The following COL14A1 variants were observed in gnomAD, a reference collection of about 807,000 sequenced individuals.
COL14A1 encodes the protein collagen alpha-1(XIV) chain.
In COL14A1, 136 loss-of-function variants were observed where a neutral mutation model predicts 230.3. The ratio of observed to expected loss-of-function variants is 0.59; its 90% CI spans 0.51 to 0.68. COL14A1 has a LOEUF of 0.68. COL14A1 is among the 30% of genes least tolerant of loss of function. COL14A1 has a pLI of 0.00. For synonymous variants in COL14A1, 792 were observed against 784.1 expected (o/e 1.01, Z -0.17); for missense variants, 1,976 against 2,215.8 (o/e 0.89, Z 2.17).
In COL14A1 at chr8:120,162,351, T is replaced by C. The variant is rs938192264; in HGVS notation, c.206-75T>C. ...CTTTACTGTTTAACACCATAATTGC[T>C]AACTAATAAAGTTTCTTAATGTACA... On this transcript the variant is annotated intron_variant, in intron 3 of 47. Coordinates refer to ENST00000297848, the MANE Select transcript of COL14A1 (RefSeq NM_021110.4). The C allele has an allele frequency of 9.6e-6, 12 of 1,254,424 alleles. No individual in the cohort carries two copies. The African/African-American group carries it at 1.8e-4, about 19-fold the overall frequency. 77.7% of individuals were successfully genotyped at this position (1,254,424 alleles called of 1,614,324 possible). A position where few individuals can be genotyped will look rare whatever the true frequency, so the allele number is the denominator to read the frequency against.
intron 4 of COL14A1, among the ~76,000 whole-genome samples, chr8:120,167,066 A>G (rs1217617275): frequency 1.3e-5 from 2 of 151,816 alleles, no homozygotes; most frequent in East Asian, 1.9e-4. Context: ...AAATCTTTTA[A>G]AATTTTGTTT....
intron 14 of COL14A1, among the ~76,000 whole-genome samples, chr8:120,224,410 C>T (rs904636150): frequency 1.3e-5 from 2 of 152,118 alleles, no homozygotes; most frequent in African/African-American, 2.4e-5. Context: ...CAGAGTACTG[C>T]GGGGGATCAT....
intron 26 of COL14A1, 136 bp downstream of exon 26, chr8:120,270,310 G>C: frequency 2.2e-6 from 2 of 910,640 alleles, no homozygotes; most frequent in Admixed American, 6.0e-5. Context: ...GGATAGACAG[G>C]TATGTGTTTG....
chr8:120,126,662 G>GTAGGTGA (rs1347695265), intron 1 of COL14A1, among the ~76,000 whole-genome samples: 109 of 152,332 alleles, frequency 7.2e-4, no homozygotes, highest in African/African-American at 2.5e-3. Context: ...AATACTTGCA[G>GTAGGTGA]TAGGTGATAG....
intron 1 of COL14A1, among the ~76,000 whole-genome samples, chr8:120,139,268 A>C (rs918199420): frequency 1.3e-5 from 2 of 152,090 alleles, no homozygotes; most frequent in African/African-American, 4.8e-5. Flanking sequence ...AAATATCACC[A>C]TTTCTTTCAA....
At chr8:120,370,667 C>A in intron 47 of COL14A1, 1 of 1,448,604 alleles carries the variant, frequency 6.9e-7, no homozygotes, top group Non-Finnish European at 9.2e-7. Flanking sequence ...TTATCCCAGA[C>A]TCCCCTGTGT....
At chr8:120,347,064 T>G (rs1822545450) in intron 45 of COL14A1, among the ~76,000 whole-genome samples, 1 of 152,130 alleles carries the variant, frequency 6.6e-6, no homozygotes, top group African/African-American at 2.4e-5. Flanking sequence ...CTGTCAATAA[T>G]GGAGAAACTG....
rs577816982 is a variant in COL14A1 at position 120,303,471 on chromosome 8, C to T, written c.4401+2653C>T. Among the ~76,000 whole-genome samples, 4 of 152,136 alleles carry T rather than the reference C, an allele frequency of 2.6e-5. No homozygotes were observed. In the East Asian group the frequency reaches 5.8e-4, roughly 22 times the overall value. On this transcript the variant is annotated intron_variant, in intron 36 of 47. Coordinates refer to ENST00000297848, the MANE Select transcript of COL14A1 (RefSeq NM_021110.4). Reference sequence around the variant, plus strand: ...GAAGGATGTTGAATTTTATCAAAAGCCTTCTTTGCATCTATTGAGATAATT... The same window carrying T: ...GAAGGATGTTGAATTTTATCAAAAGTCTTCTTTGCATCTATTGAGATAATT...
At chr8:120,136,512 T>C (rs1814711811) in intron 1 of COL14A1, among the ~76,000 whole-genome samples, 1 of 152,164 alleles carries the variant, frequency 6.6e-6, no homozygotes, top group Admixed American at 6.5e-5. Flanking sequence ...AAACCAATAT[T>C]ACATTCCTGT....
chr8:120,278,500 C>T lies in COL14A1; in HGVS notation c.3403C>T (p.Pro1135Ser), dbSNP rs1280685546. The part of the protein sequence containing the change: ...TAESGTRRGI[P>S]KVIVVITDGR... ...AGAGTCAGGTACAAGAAGGGGCATC[C>T]CAAAGGTTATCGTGGTTATAACTGA... Residue 1135 changes from proline (P) to serine (S), a missense_variant, in exon 28 of 48, where the codon CCA (proline) becomes TCA (serine). By Grantham distance (74) the Pro-to-Ser change is moderately conservative. This residue lies in a region of COL14A1 where 1,791 missense variants were observed against 2,019.5 expected (regional missense o/e 0.89). Coordinates refer to ENST00000297848, the MANE Select transcript of COL14A1 (RefSeq NM_021110.4). 1.2e-6 allele frequency: 2 copies of T among 1,612,972 alleles called. No individual in the cohort carries two copies. Among genetic ancestry groups the T allele is most frequent in the Middle Eastern group, 1.7e-4 (1 of 6,054 alleles).
At chr8:120,324,938 A>G (rs767828463) in intron 40 of COL14A1, among the ~76,000 whole-genome samples, 2 of 152,184 alleles carry the variant, frequency 1.3e-5, no homozygotes, top group Non-Finnish European at 2.9e-5. Context: ...TAAACTTTTA[A>G]AGAGCCTACC....
At chr8:120,299,931 C>T (rs1820659216) in intron 35 of COL14A1, among the ~76,000 whole-genome samples, 1 of 151,980 alleles carries the variant, frequency 6.6e-6, no homozygotes, top group Admixed American at 6.6e-5. Context: ...TTTCTCTATC[C>T]AAAGGGACTG....
intron 14 of COL14A1, among the ~76,000 whole-genome samples, chr8:120,223,534 G>A (rs1373779810): frequency 2.0e-5 from 3 of 152,102 alleles, no homozygotes; most frequent in Non-Finnish European, 2.9e-5. Flanking sequence ...GCCGGATCTG[G>A]TGGCGCATGC....
intron 2 of COL14A1, 34 bp from the exon 3 acceptor site, chr8:120,158,096 C>A (rs1815539871): frequency 8.7e-7 from 1 of 1,144,842 alleles, no homozygotes. Context: ...TTAAATGTTA[C>A]AATGTTTACA....
At position 120,314,601 on chromosome 8, in the gene COL14A1, T is replaced by C. The variant is rs76996752; in HGVS notation, c.4551+574T>C. Among the ~76,000 whole-genome samples, 20 of 152,336 alleles carry C rather than the reference T, an allele frequency of 1.3e-4. No homozygotes were observed. In the East Asian group the frequency reaches 3.7e-3, roughly 28 times the overall value. ...ATTAATCTTACTGTAGGAGTCTAGA[T>C]TTAAGAATAAAAACAATCTCTTTAA... On this transcript the variant is annotated intron_variant, in intron 38 of 47. Coordinates refer to ENST00000297848, the MANE Select transcript of COL14A1 (RefSeq NM_021110.4).
At chr8:120,293,687 T>C (rs534541199) in intron 34 of COL14A1, among the ~76,000 whole-genome samples, 1 of 151,852 alleles carries the variant, frequency 6.6e-6, no homozygotes, top group Non-Finnish European at 1.5e-5. Context: ...CTGATAATTA[T>C]AGAATAAAGG....
intron 18 of COL14A1, 47 bp downstream of exon 18, chr8:120,228,816 A>T: frequency 6.8e-7 from 1 of 1,479,130 alleles, no homozygotes; most frequent in Non-Finnish European, 9.4e-7. Flanking sequence ...AATTTTCTTT[A>T]AACAGATGTT....
chr8:120,182,726 G>GGTTTTTTTTTTTTTTTTTTTTTTTTT (rs1554603200), intron 5 of COL14A1, among the ~76,000 whole-genome samples: 3 of 129,014 alleles, frequency 2.3e-5, no homozygotes, highest in Non-Finnish European at 3.3e-5. Context: ...ATTTTTCTTC[G>GGTTTTTTTTTTTTTTTTTTTTTTTTT]TTTTTTTTTT....
intron 4 of COL14A1, among the ~76,000 whole-genome samples, chr8:120,163,078 T>A (rs995906073): frequency 3.3e-5 from 5 of 152,164 alleles, no homozygotes; most frequent in Admixed American, 2.0e-4. Flanking sequence ...CTCTGTAGGA[T>A]CCCCAGAAGG....
Sources: gnomAD v4.1 joint callset for allele counts (sites outside exome capture counted in the v4.1 genomes callset) on GRCh38, gnomAD v4.1.1 for gene constraint, gnomAD v4.1.1 regional missense constraint, MANE v1.5 for transcripts, NCBI Gene and HGNC (gene_info 2026-07-23, HGNC 2026-07-21) for gene names.